MSN: variants seen among roughly 807,000 people sequenced by gnomAD.
MSN encodes moesin.
Under a neutral mutation model 48.0 loss-of-function variants are expected in MSN, and 2 were observed. The ratio of observed to expected loss-of-function variants is 0.04; its 90% CI spans 0.02 to 0.13. MSN has a LOEUF of 0.13. Among genes scored for constraint, MSN ranks in the 10% least tolerant of loss-of-function variants. MSN has a pLI of 1.00. For synonymous variants in MSN, 146 were observed against 166.9 expected (o/e 0.87, Z 0.97); for missense variants, 267 against 470.1 (o/e 0.57, Z 3.99).
At chrX:65,736,666 G>A in intron 8 of MSN, 129 bp from the exon 9 acceptor site, 1 of 693,491 alleles carries the variant, frequency 1.4e-6, no homozygotes, top group Non-Finnish European at 2.1e-6. Context: ...TCGATCTCCT[G>A]ACCTCGTGAT....
intron 1 of MSN, among the ~76,000 whole-genome samples, chrX:65,712,446 TACTC>T (rs1399453113): frequency 2.7e-5 from 3 of 111,254 alleles, no homozygotes; most frequent in Non-Finnish European, 5.6e-5. Flanking sequence ...TTTAATGTCT[TACTC>T]ACTCCATGGA....
Position 65,643,789 on chromosome X carries a change from A to G in MSN, c.-22+55177A>G, listed in dbSNP as rs145147570. ...CACTGGGAAGGTATGGTATTACTCC[A>G]TTGCTCCCTGGCTACAACCCATTGT... On this transcript the variant is annotated intron_variant, in intron 1 of 3. Coordinates refer to the MSN transcript ENST00000609672. 2.7e-5 allele frequency among the ~76,000 whole-genome samples: 3 copies of G among 111,348 alleles called. No homozygotes were observed. The East Asian group carries it at 8.4e-4, about 31-fold the overall frequency.
At chrX:65,631,838 A>AT (rs1290248538) in intron 1 of MSN, among the ~76,000 whole-genome samples, 1 of 110,784 alleles carries the variant, frequency 9.0e-6, no homozygotes, top group African/African-American at 3.3e-5. Context: ...CACCTGGCTG[A>AT]TTTTTTCATT....
chrX:65,738,481 G>T, intron 10 of MSN, 44 bp from the exon 11 acceptor site: 1 of 1,146,320 alleles, frequency 8.7e-7, no homozygotes, highest in East Asian at 3.2e-5. Flanking sequence ...TGGGTCCTGA[G>T]GACCAGAAGG....
At chrX:65,660,010 G>C (rs1353565945) in intron 1 of MSN, among the ~76,000 whole-genome samples, 1 of 110,977 alleles carries the variant, frequency 9.0e-6, no homozygotes, top group Non-Finnish European at 1.9e-5. Flanking sequence ...ATATAGGCAT[G>C]AAATGGTTTA....
At chrX:65,718,992 G>T (rs1275459927) in intron 2 of MSN, among the ~76,000 whole-genome samples, 3 of 111,310 alleles carry the variant, frequency 2.7e-5, no homozygotes, top group African/African-American at 9.8e-5. Flanking sequence ...TACTTAATTG[G>T]TGAAAATACA....
intron 1 of MSN, among the ~76,000 whole-genome samples, chrX:65,654,921 T>A (rs1409630606): frequency 9.0e-6 from 1 of 111,504 alleles, no homozygotes; most frequent in Non-Finnish European, 1.9e-5. Context: ...CCTGCTGAGA[T>A]GAAGTCTTTT....
rs185442203 is a variant in MSN at position 65,638,746 on chromosome X, G to A, written c.-22+50134G>A. Among the ~76,000 whole-genome samples, 8 of 111,778 alleles carry A rather than the reference G, an allele frequency of 7.2e-5. No homozygotes were observed. In the East Asian group the frequency reaches 8.5e-4, roughly 12 times the overall value. On this transcript the variant is annotated intron_variant, in intron 1 of 3. Transcript: ENST00000609672. ...TTTTTGTATTTTTAGAAGAGACAGCGTTTCACCATATTGGCCAGGCTGATC... is the reference window on the plus strand; with the variant it reads ...TTTTTGTATTTTTAGAAGAGACAGCATTTCACCATATTGGCCAGGCTGATC...
At chrX:65,590,748 A>T (rs1256148087) in intron 1 of MSN, among the ~76,000 whole-genome samples, 1 of 110,509 alleles carries the variant, frequency 9.0e-6, no homozygotes, top group African/African-American at 3.3e-5. Context: ...CAGCAGACGG[A>T]AGTCCAGCTG....
At chrX:65,712,227 G>A (rs753627196) in intron 1 of MSN, among the ~76,000 whole-genome samples, 6 of 111,716 alleles carry the variant, frequency 5.4e-5, no homozygotes, top group South Asian at 3.8e-4. Flanking sequence ...TGCCTTACTT[G>A]TTCCTGCCTT....
Position 65,623,828 on chromosome X carries a change from A to T in MSN, c.-22+35216A>T, listed in dbSNP as rs577879301. Among the ~76,000 whole-genome samples, 50 of 103,973 alleles carry T rather than the reference A, an allele frequency of 4.8e-4. 1 individual carries two copies. Among genetic ancestry groups the T allele is most frequent in the Non-Finnish European group, 6.7e-4 (35 of 52,564 alleles). The allele number at this position is 103,973 out of a possible 115,157, so 90.3% of individuals were successfully genotyped here. A position where few individuals can be genotyped will look rare whatever the true frequency, so the allele number is the denominator to read the frequency against. On this transcript the variant is annotated intron_variant, in intron 1 of 3. Coordinates refer to the MSN transcript ENST00000609672. ...ACTCCGTCTCAAAAAAAAAAAAAAAATTTTGGAATTTATAAGTGAAATCAT... is the reference window on the plus strand; with the variant it reads ...ACTCCGTCTCAAAAAAAAAAAAAAATTTTTGGAATTTATAAGTGAAATCAT...
intron 1 of MSN, among the ~76,000 whole-genome samples, chrX:65,631,095 C>CTTTTT (rs754602575): frequency 1.0e-5 from 1 of 100,221 alleles, no homozygotes. Context: ...TATCCTGCTT[C>CTTTTT]TTTTTTTTTT....
intron 1 of MSN, among the ~76,000 whole-genome samples, chrX:65,597,300 C>T (rs1165258109): frequency 5.5e-5 from 6 of 109,162 alleles, no homozygotes; most frequent in Non-Finnish European, 9.5e-5. Flanking sequence ...CCTCCCACCT[C>T]GGCCTCCCAA....
intron 1 of MSN, among the ~76,000 whole-genome samples, chrX:65,596,667 T>C (rs146642607): frequency 1.1e-3 from 111 of 104,883 alleles, no homozygotes; most frequent in African/African-American, 3.7e-3. Flanking sequence ...CCATTACCTC[T>C]TCTTTTATAA....
At chrX:65,661,627 G>A (rs980618787) in intron 1 of MSN, among the ~76,000 whole-genome samples, 4 of 112,098 alleles carry the variant, frequency 3.6e-5, no homozygotes, top group Non-Finnish European at 5.6e-5. Flanking sequence ...TGGCTTCACA[G>A]AATTAGTTAG....
At chrX:65,683,016 A>G (rs1399638071) in intron 1 of MSN, among the ~76,000 whole-genome samples, 1 of 112,217 alleles carries the variant, frequency 8.9e-6, no homozygotes, top group Non-Finnish European at 1.9e-5. Context: ...ATAATACAGT[A>G]GTGTTCGTGT....
chrX:65,702,399 C>T (rs1468607217), intron 1 of MSN, among the ~76,000 whole-genome samples: 2 of 107,819 alleles, frequency 1.9e-5, no homozygotes, highest in Non-Finnish European at 3.8e-5. Context: ...GGCGTGGTGG[C>T]TCACGCCTGT....
At chrX:65,733,123 A>G in intron 6 of MSN, 61 bp from the exon 7 acceptor site, 1 of 895,072 alleles carries the variant, frequency 1.1e-6, no homozygotes, top group Non-Finnish European at 1.6e-6. Context: ...GCAAGCCCCC[A>G]GTTCTCTACA....
At chrX:65,725,406 C>A (rs1182201168) in intron 2 of MSN, among the ~76,000 whole-genome samples, 1 of 111,055 alleles carries the variant, frequency 9.0e-6, no homozygotes, top group Non-Finnish European at 1.9e-5. Flanking sequence ...GGTCTTCTCT[C>A]TCTCTCTCTT....
Sources: allele counts gnomAD v4.1 joint callset (sites outside exome capture counted in the v4.1 genomes callset), GRCh38; gene constraint gnomAD v4.1.1; transcripts MANE v1.5; gene names NCBI Gene and HGNC (gene_info 2026-07-23, HGNC 2026-07-21).